Variants in PRKD1 observed in about 807,000 individuals in gnomAD.
PRKD1 encodes the protein serine/threonine-protein kinase D1.
PRKD1 carries 63 observed loss-of-function variants against 95.9 expected under a neutral mutation model. That is an observed-to-expected ratio of 0.66 (90% CI 0.54 to 0.81). PRKD1 has a LOEUF of 0.81. PRKD1 is among the 30% of genes least tolerant of loss of function. PRKD1 has a pLI of 0.00. For synonymous variants in PRKD1, 425 were observed against 423.1 expected (o/e 1.00, Z -0.05); for missense variants, 1,048 against 1,165.3 (o/e 0.90, Z 1.47).
chr14:29,690,620 T>A (rs1295167712), intron 2 of PRKD1, among the ~76,000 whole-genome samples: 1 of 152,194 alleles, frequency 6.6e-6, no homozygotes, highest in Admixed American at 6.5e-5. Flanking sequence ...ATATTCTCAA[T>A]GCTATAGCAA....
intron 1 of PRKD1, among the ~76,000 whole-genome samples, chr14:29,791,128 TAC>T (rs1382182566): frequency 6.6e-6 from 1 of 152,178 alleles, no homozygotes; most frequent in African/African-American, 2.4e-5. Context: ...TCTTTAAATA[TAC>T]ACAGAGATTT....
chr14:29,692,128 T>A (rs1016115606), intron 2 of PRKD1, among the ~76,000 whole-genome samples: 1 of 152,198 alleles, frequency 6.6e-6, no homozygotes, highest in East Asian at 1.9e-4. Flanking sequence ...CATTAATTTA[T>A]GAGTTACCCC....
intron 1 of PRKD1, among the ~76,000 whole-genome samples, chr14:29,926,269 G>A (rs951501990): frequency 2.7e-5 from 4 of 147,934 alleles, no homozygotes; most frequent in Non-Finnish European, 5.9e-5. Flanking sequence ...CAGTCCTCCA[G>A]GGCTGAAAAA....
intron 1 of PRKD1, 26 bp downstream of exon 1, chr14:29,927,223 G>A (rs1408510531): frequency 3.4e-6 from 5 of 1,471,314 alleles, no homozygotes; most frequent in Non-Finnish European, 4.5e-6. Context: ...GGGAGGCGCC[G>A]GGCTGGCAGC....
chr14:29,784,798 C>T (rs1594516344), intron 1 of PRKD1, among the ~76,000 whole-genome samples: 5 of 152,288 alleles, frequency 3.3e-5, no homozygotes, highest in East Asian at 1.9e-4. Context: ...TAACAATAGG[C>T]GTTATCAAAC....
At chr14:29,909,542 T>C (rs899972482) in intron 1 of PRKD1, among the ~76,000 whole-genome samples, 1 of 152,122 alleles carries the variant, frequency 6.6e-6, no homozygotes, top group Non-Finnish European at 1.5e-5. Flanking sequence ...CAATCAGCCC[T>C]CTGTGTCTAG....
At chr14:29,741,084 A>T (rs1193487921) in intron 1 of PRKD1, among the ~76,000 whole-genome samples, 2 of 152,172 alleles carry the variant, frequency 1.3e-5, no homozygotes, top group Non-Finnish European at 2.9e-5. Flanking sequence ...GAAAGGAACA[A>T]CAGACATTAT....
chr14:29,617,503 C>G (rs533596487), intron 13 of PRKD1, among the ~76,000 whole-genome samples: 1 of 152,086 alleles, frequency 6.6e-6, no homozygotes, highest in Non-Finnish European at 1.5e-5. Context: ...ATATTCAGTG[C>G]TTTTAAAATT....
intron 1 of PRKD1, among the ~76,000 whole-genome samples, chr14:29,753,719 C>T (rs1021027556): frequency 1.3e-5 from 2 of 152,120 alleles, no homozygotes; most frequent in Non-Finnish European, 2.9e-5. Flanking sequence ...CAACATACCA[C>T]TTTGTTCCTT....
In PRKD1 at chr14:29,576,862, C is replaced by T. The variant is rs187931315; in HGVS notation, c.*376G>A. On this transcript the variant is annotated 3_prime_UTR_variant, in exon 18 of 18. Transcript: ENST00000331968. ...AAGAGTTTGTTTACAATGACAACAC[C>T]AATGGGACACACCAAACAGAACTAC... The T allele has an allele frequency of 2.3e-5, 6 of 260,230 alleles. No individual in the cohort carries two copies. Among genetic ancestry groups the T allele is most frequent in the African/African-American group, 1.1e-4 (5 of 45,870 alleles). The allele number at this position is 260,230 out of a possible 1,614,324, so 16.1% of individuals were successfully genotyped here. A position where few individuals can be genotyped will look rare whatever the true frequency, so the allele number is the denominator to read the frequency against.
intron 2 of PRKD1, among the ~76,000 whole-genome samples, chr14:29,706,905 A>T (rs1885119382): frequency 6.6e-6 from 1 of 152,174 alleles, no homozygotes; most frequent in African/African-American, 2.4e-5. Flanking sequence ...TGAGTCATGA[A>T]AGATGAATTG....
chr14:29,676,192 T>TTTTTTTTTTTTTTTTTTTTTTTTTG (rs1566532348), intron 2 of PRKD1, among the ~76,000 whole-genome samples: 1 of 128,558 alleles, frequency 7.8e-6, no homozygotes, highest in African/African-American at 3.1e-5. Flanking sequence ...TGTTTTTTTT[T>TTTTTTTTTTTTTTTTTTTTTTTTTG]TTTTTTTTTT....
chr14:29,707,287 G>A (rs1309065924), intron 2 of PRKD1, among the ~76,000 whole-genome samples: 1 of 152,072 alleles, frequency 6.6e-6, no homozygotes, highest in Admixed American at 6.6e-5. Flanking sequence ...CTGGAGGCAA[G>A]GAAACCAACA....
intron 1 of PRKD1, among the ~76,000 whole-genome samples, chr14:29,761,514 TG>T (rs1020246321): frequency 2.6e-5 from 4 of 152,186 alleles, no homozygotes; most frequent in African/African-American, 9.7e-5. Flanking sequence ...CTGAGATAGA[TG>T]AGACTTCCAC....
intron 1 of PRKD1, among the ~76,000 whole-genome samples, chr14:29,743,891 T>C (rs1887095257): frequency 6.6e-6 from 1 of 152,224 alleles, no homozygotes; most frequent in Non-Finnish European, 1.5e-5. Context: ...GATTCCAGAA[T>C]AGTGTATTCT....
chr14:29,776,918 G>A (rs938789765), intron 1 of PRKD1, among the ~76,000 whole-genome samples: 12 of 152,170 alleles, frequency 7.9e-5, no homozygotes, highest in African/African-American at 2.9e-4. Context: ...CCCTCAAAGG[G>A]AAGCCCATCA....
At chr14:29,755,122 G>A (rs190656093) in intron 1 of PRKD1, among the ~76,000 whole-genome samples, 1 of 151,936 alleles carries the variant, frequency 6.6e-6, no homozygotes, top group African/African-American at 2.4e-5. Flanking sequence ...GTTGATCTTG[G>A]ATCTAAGACC....
At chr14:29,868,497 G>T (rs1056112817) in intron 1 of PRKD1, among the ~76,000 whole-genome samples, 1 of 152,174 alleles carries the variant, frequency 6.6e-6, no homozygotes, top group Non-Finnish European at 1.5e-5. Context: ...AAAGAAGTCT[G>T]TATGAAGCGT....
At chr14:29,603,838 C>G (rs1893607614) in intron 13 of PRKD1, among the ~76,000 whole-genome samples, 1 of 152,180 alleles carries the variant, frequency 6.6e-6, no homozygotes, top group African/African-American at 2.4e-5. Flanking sequence ...ACAGGACTCT[C>G]TGGCCATCTG....
Sources: allele counts gnomAD v4.1 joint callset (sites outside exome capture counted in the v4.1 genomes callset), GRCh38; gene constraint gnomAD v4.1.1; transcripts MANE v1.5; gene names NCBI Gene and HGNC (gene_info 2026-07-23, HGNC 2026-07-21).